The following DVL2 variants were observed in gnomAD, a reference collection of about 807,000 sequenced individuals.
DVL2 encodes dishevelled segment polarity protein 2.
Under a neutral mutation model 69.8 loss-of-function variants are expected in DVL2, and 38 were observed. The observed-to-expected ratio is 0.54, with a 90% CI of 0.42 to 0.71. The LOEUF is 0.71. DVL2 is among the 30% of genes least tolerant of loss of function. The pLI is 0.00. For missense variants in DVL2, 931 were observed against 1,008.1 expected (o/e 0.92, Z 1.04); for synonymous variants, 428 against 392.4 (o/e 1.09, Z -1.07).
chr17:7,227,356 C>A, intron 12 of DVL2, 48 bp downstream of exon 12: 1 of 1,605,324 alleles, frequency 6.2e-7, no homozygotes, highest in South Asian at 1.1e-5. Flanking sequence ...TGGCTTTGGT[C>A]ACCACCTCCT....
Position 7,230,033 on chromosome 17 carries a change from G to GCC in DVL2, c.520+11_520+12dup. 6.2e-7 allele frequency: 1 copy of GCC among 1,613,396 alleles called. No homozygotes were observed. The highest frequency in any genetic ancestry group is 8.5e-7 in the Non-Finnish European group (1 of 1,180,010). ...TGGCCCAGCCCTTCCCGGCCCCCAG[G>GCC]CCTGCCCCTCACCGCCATGCTCACT... On this transcript the variant is annotated intron_variant, in intron 4 of 14. Coordinates refer to ENST00000005340, the MANE Select transcript of DVL2 (RefSeq NM_004422.3).
rs1432509534 is a variant in DVL2 at position 7,229,977 on chromosome 17, TC to T, written c.521-35del. The T allele has an allele frequency of 1.2e-6, 2 of 1,608,800 alleles. No individual in the cohort carries two copies. Among genetic ancestry groups the T allele is most frequent in the Non-Finnish European group, 1.7e-6 (2 of 1,179,532 alleles). On this transcript the variant is annotated intron_variant, in intron 4 of 14. Coordinates refer to ENST00000005340, the MANE Select transcript of DVL2 (RefSeq NM_004422.3). The surrounding 1 kb of genome is among the most constrained non-coding windows in gnomAD (Gnocchi z 4.4). ...GGACAGGAAGCTCAAGAACCAAGCTTCCCCCTGCTCACCCCACCAAGGCTGG... is the reference window on the plus strand; with the variant it reads ...GGACAGGAAGCTCAAGAACCAAGCTTCCCCTGCTCACCCCACCAAGGCTGG...
chr17:7,231,634 G>A (rs1460341274), intron 1 of DVL2, among the ~76,000 whole-genome samples: 3 of 151,342 alleles, frequency 2.0e-5, no homozygotes, highest in South Asian at 2.1e-4. Flanking sequence ...AGGCCAAAGT[G>A]GGCAGATTAC....
At chr17:7,230,491 G>C in intron 2 of DVL2, 61 bp from the exon 3 acceptor site, 5 of 1,593,648 alleles carry the variant, frequency 3.1e-6, no homozygotes, top group Non-Finnish European at 4.3e-6. Context: ...ACAGGTGGCA[G>C]TAAGTGAAAG....
intron 1 of DVL2, among the ~76,000 whole-genome samples, chr17:7,231,619 T>C (rs966773746): frequency 7.3e-5 from 11 of 151,322 alleles, no homozygotes; most frequent in Admixed American, 2.6e-4. Context: ...TCCCAGCACT[T>C]TGAGAGGCCA....
intron 12 of DVL2, 60 bp downstream of exon 12, chr17:7,227,344 C>T: frequency 6.2e-7 from 1 of 1,604,484 alleles, no homozygotes; most frequent in Non-Finnish European, 8.5e-7. Context: ...CTGTGCCATT[C>T]CTGGCTTTGG....
Position 7,229,106 on chromosome 17 carries a change from G to T in DVL2, c.957+29C>A, listed in dbSNP as rs769482143. On this transcript the variant is annotated intron_variant, in intron 8 of 14. Transcript: ENST00000005340. This position sits in a 1 kb window ranked among gnomAD's most constrained non-coding sequence, Gnocchi z 4.4. The stretch of plus-strand genomic sequence containing the variant: ...GGAGAGGCTGAGGGCCCCCGTGCAG[G>T]GCAGCTCAGTGGCCCTACCCCAGCA... The T allele has an allele frequency of 3.1e-6, 5 of 1,614,030 alleles. No homozygotes were observed. The highest frequency in any genetic ancestry group is 4.2e-6 in the Non-Finnish European group (5 of 1,179,914).
At chr17:7,228,161 C>G in intron 9 of DVL2, 117 bp from the exon 10 acceptor site, 1 of 833,136 alleles carries the variant, frequency 1.2e-6, no homozygotes, top group African/African-American at 1.7e-5. Context: ...AAGCACATCG[C>G]GGCTGGGCTA....
chr17:7,227,629 T>C, intron 11 of DVL2, 26 bp downstream of exon 11: 2 of 1,613,654 alleles, frequency 1.2e-6, no homozygotes, highest in South Asian at 2.2e-5. Flanking sequence ...GCTGGGAGGG[T>C]GGGATGAGGT....
intron 2 of DVL2, 95 bp from the exon 3 acceptor site, chr17:7,230,525 T>C: frequency 2.6e-6 from 4 of 1,520,274 alleles, no homozygotes; most frequent in Non-Finnish European, 3.6e-6. Flanking sequence ...CTCAGAGAGC[T>C]GGAGAAGAGC....
chr17:7,234,170 G>A lies in DVL2; in HGVS notation c.93C>T (p.Ile31=). ...GGGTGATGCGCTCGGCGGGGACAGGGATCTTCACCAGGTAGGGAGTCTCTT... is the reference window on the plus strand; with the variant it reads ...GGGTGATGCGCTCGGCGGGGACAGGAATCTTCACCAGGTAGGGAGTCTCTT... ...DEEETPYLVK[I]PVPAERITLG... is the part of the protein sequence containing the mutation. The change falls in exon 1 of 15, where the codon ATC becomes ATT. Residue 31 remains isoleucine (I), a synonymous_variant. Transcript: ENST00000005340. 1 of 1,614,124 alleles carries A rather than the reference G, an allele frequency of 6.2e-7. No homozygotes were observed. The highest frequency in any genetic ancestry group is 1.3e-5 in the African/African-American group (1 of 75,038).
Position 7,229,161 on chromosome 17 carries a change from T to C in DVL2, c.931A>G (p.Ile311Val), listed in dbSNP as rs766732685. ...KGGAVAADGR[I>V]EPGDMLLQVN... ...TGCAAAAGCATGTCCCCTGGCTCAA[T>C]GCGCCCGTCGGCCGCCACAGCCCCA... The change falls in exon 8 of 15, where the codon ATT (isoleucine) becomes GTT (valine). Residue 311 changes from isoleucine (I) to valine (V), a missense_variant. By Grantham distance (29) the Ile-to-Val change is conservative. This residue lies in a region of DVL2 where 555 missense variants were observed against 588.8 expected (regional missense o/e 0.94). Coordinates refer to ENST00000005340, the MANE Select transcript of DVL2 (RefSeq NM_004422.3). The surrounding 1 kb of genome is among the most constrained non-coding windows in gnomAD (Gnocchi z 4.4). 56 of 1,614,024 alleles carry C rather than the reference T, an allele frequency of 3.5e-5. No homozygotes were observed. The highest frequency in any genetic ancestry group is 8.8e-5 in the South Asian group (8 of 91,090).
In DVL2 at chr17:7,229,637, A is replaced by C; in HGVS notation, c.698T>G (p.Leu233Arg). Residue 233 changes from leucine (L) to arginine (R), a missense_variant, in exon 6 of 15, where the codon CTT (leucine) becomes CGT (arginine). Leu to Arg is a moderately radical substitution (Grantham distance 102). Around this residue, in one of 3 missense-constraint regions of DVL2, gnomAD observed 555 missense variants for 588.8 expected, o/e 0.94. Coordinates refer to ENST00000005340, the MANE Select transcript of DVL2 (RefSeq NM_004422.3). This position sits in a 1 kb window ranked among gnomAD's most constrained non-coding sequence, Gnocchi z 4.4. ...CTTCCTTCGCCGCCGGTGGCGCTTA[A>C]GGAGGCGGGAGGCACTGCTCTGCTC... Reference protein sequence around the residue: ...STEQSSASRLLKRHRRRRKQR... With the variant: ...STEQSSASRLRKRHRRRRKQR... The C allele has an allele frequency of 6.4e-7, 1 of 1,551,570 alleles. No individual in the cohort carries two copies.
rs1385004813 is a variant in DVL2 at position 7,230,625 on chromosome 17, G to T, written c.264+103C>A. The T allele has an allele frequency of 7.3e-6, 10 of 1,367,036 alleles. No homozygotes were observed. The East Asian group carries it at 2.3e-4, about 31-fold the overall frequency. 84.7% of individuals were successfully genotyped at this position (1,367,036 alleles called of 1,614,324 possible). A position where few individuals can be genotyped will look rare whatever the true frequency, so the allele number is the denominator to read the frequency against. On this transcript the variant is annotated intron_variant, in intron 2 of 14. Coordinates refer to ENST00000005340, the MANE Select transcript of DVL2 (RefSeq NM_004422.3). The stretch of plus-strand genomic sequence containing the variant: ...CAAACAGACAGGAGGTAAAGAGCCA[G>T]GGCTGCTAACGCGCGGCCTGGGGAG...
chr17:7,234,346 A>C lies in DVL2; in HGVS notation c.-84T>G, dbSNP rs1202783005. On this transcript the variant is annotated 5_prime_UTR_variant, in exon 1 of 15. Transcript: ENST00000005340. ...CGCGCCTGCGCACACCCGCAAACCG[A>C]CGCGCGAGCGCGGACAGGACTGACC... is the stretch of plus-strand genomic sequence containing the variant. 23 of 1,481,202 alleles carry C rather than the reference A, an allele frequency of 1.6e-5. No homozygotes were observed. The highest frequency in any genetic ancestry group is 2.0e-5 in the Non-Finnish European group (22 of 1,093,072). The allele number at this position is 1,481,202 out of a possible 1,614,324, so 91.8% of individuals were successfully genotyped here.
rs369806603 is a variant in DVL2 at position 7,226,113 on chromosome 17, C to T, written c.1963G>A (p.Ala655Thr). 7.5e-6 allele frequency: 12 copies of T among 1,596,654 alleles called. No homozygotes were observed. Among genetic ancestry groups the T allele is most frequent in the Admixed American group, 5.2e-5 (3 of 57,880 alleles). Reference sequence around the variant, plus strand: ...CCTGGGTGGGCTCGGAGATTAGGGGCACCCCCAGTTGAGCCTCTGGATGGA... The same window carrying T: ...CCTGGGTGGGCTCGGAGATTAGGGGTACCCCCAGTTGAGCCTCTGGATGGA... ...PPPSRGSTGG[A>T]PNLRAHPGLH... The change falls in exon 15 of 15, where the codon GCC (alanine) becomes ACC (threonine). Residue 655 changes from alanine to threonine, a missense_variant. Transcript: ENST00000005340.
rs2071425272 is a variant in DVL2 at position 7,225,369 on chromosome 17, G to C, written c.*496C>G. 1 of 548,768 alleles carries C rather than the reference G, an allele frequency of 1.8e-6. No homozygotes were observed. Among genetic ancestry groups the C allele is most frequent in the African/African-American group, 1.9e-5 (1 of 52,868 alleles). The allele number at this position is 548,768 out of a possible 1,614,324, so 34.0% of individuals were successfully genotyped here. On this transcript the variant is annotated 3_prime_UTR_variant, in exon 15 of 15. Coordinates refer to ENST00000005340, the MANE Select transcript of DVL2 (RefSeq NM_004422.3). ...GTTTGCCTCTATTGCTTTATTTGGT[G>C]TTTTATACAAGTGACTAAAATAAAT...
rs764349752 is a variant in DVL2, at chr17:7,226,279, C to G, written c.1797G>C (p.Gly599=). 5.7e-6 allele frequency: 9 copies of G among 1,592,876 alleles called. No homozygotes were observed. Among genetic ancestry groups the G allele is most frequent in the African/African-American group, 1.3e-5 (1 of 74,210 alleles). The change falls in exon 15 of 15, where the codon GGG becomes GGC. Residue 599 remains glycine (G), a synonymous_variant. Coordinates refer to ENST00000005340, the MANE Select transcript of DVL2 (RefSeq NM_004422.3). ...SRSSGSTRSD[G]GAGRTGRPEE... ...CGGGCCTCCCCGTGCGCCCTGCCCC[C>G]CCATCACTCCGTGTCGACCCACTGC...
chr17:7,230,671 C>A, intron 2 of DVL2, 57 bp downstream of exon 2: 3 of 1,540,394 alleles, frequency 1.9e-6, no homozygotes, highest in Non-Finnish European at 2.7e-6. Flanking sequence ...CAGACTGAGG[C>A]TTGAGGGAGC....
Sources: allele counts gnomAD v4.1 joint callset (sites outside exome capture counted in the v4.1 genomes callset), GRCh38; gene constraint gnomAD v4.1.1; regional missense constraint gnomAD v4.1.1; non-coding constraint Gnocchi (gnomAD v3.1); transcripts MANE v1.5; gene names NCBI Gene and HGNC (gene_info 2026-07-23, HGNC 2026-07-21).